The following CELSR1 variants were observed in gnomAD, a reference collection of about 807,000 sequenced individuals.
CELSR1 encodes adhesion G protein-coupled receptor C1.
CELSR1 carries 110 observed loss-of-function variants against 249.1 expected under a neutral mutation model. That is an observed-to-expected ratio of 0.44 (90% CI 0.38 to 0.52). CELSR1 has a LOEUF of 0.52. CELSR1 is among the 20% of genes least tolerant of loss of function. CELSR1 has a pLI of 0.00. For synonymous variants in CELSR1, 2,113 were observed against 1,900.0 expected (o/e 1.11, Z -2.92); for missense variants, 4,109 against 4,296.4 (o/e 0.96, Z 1.22).
At chr22:46,501,199 ATTTT>A (rs57293109) in intron 1 of CELSR1, among the ~76,000 whole-genome samples, 2 of 108,552 alleles carry the variant, frequency 1.8e-5, no homozygotes, top group East Asian at 5.1e-4. Context: ...TGCCCGGCTA[ATTTT>A]TTTTTTTTTT....
Position 46,534,896 on chromosome 22 carries a change from C to A in CELSR1, c.2275G>T (p.Val759Leu), listed in dbSNP as rs753531287. ...PLDYKQEQQY[V>L]LAVTASDGTR... The stretch of plus-strand genomic sequence containing the variant: ...CCGTCGGATGCTGTCACCGCCAGCA[C>A]GTACTGCTGCTCCTGCTTGTAGTCC... Residue 759 changes from valine to leucine, a missense_variant, in exon 1 of 35, where the codon GTG (valine) becomes TTG (leucine). Transcript: ENST00000674500. This position sits in a 1 kb window ranked among gnomAD's most constrained non-coding sequence, Gnocchi z 9.7. The A allele has an allele frequency of 1.2e-6, 2 of 1,612,592 alleles. No homozygotes were observed. Among genetic ancestry groups the A allele is most frequent in the South Asian group, 1.1e-5 (1 of 91,074 alleles).
rs575336449 is a variant in CELSR1 at position 46,430,380 on chromosome 22, C to T, written c.4611+3013G>A. 1.3e-5 allele frequency among the ~76,000 whole-genome samples: 2 copies of T among 152,208 alleles called. No homozygotes were observed. The highest frequency in any genetic ancestry group is 6.5e-5 in the Admixed American group (1 of 15,300). On this transcript the variant is annotated intron_variant, in intron 5 of 34. Transcript: ENST00000674500. This position sits in a 1 kb window ranked among gnomAD's most constrained non-coding sequence, Gnocchi z 4.6. Reference sequence around the variant, plus strand: ...GTGCTGGGGCAAGGACACAGCTGGGCGGGGCAGGGGGGATGACCGTCTGCA... The same window carrying T: ...GTGCTGGGGCAAGGACACAGCTGGGTGGGGCAGGGGGGATGACCGTCTGCA...
Position 46,406,417 on chromosome 22 carries a change from G to A in CELSR1, c.5226+2579C>T, listed in dbSNP as rs912422302. Reference sequence around the variant, plus strand: ...GAAAATGCTCCCGAGCTGTGATGGGGAGGAACAGGAGGCTCCCTGTCCAGG... The same window carrying A: ...GAAAATGCTCCCGAGCTGTGATGGGAAGGAACAGGAGGCTCCCTGTCCAGG... On this transcript the variant is annotated intron_variant, in intron 9 of 34. Coordinates refer to ENST00000674500, the MANE Select transcript of CELSR1 (RefSeq NM_001378328.1). This position sits in a 1 kb window ranked among gnomAD's most constrained non-coding sequence, Gnocchi z 5.4. Among the ~76,000 whole-genome samples the A allele has an allele frequency of 2.0e-5, 3 of 152,212 alleles. No individual in the cohort carries two copies. Among genetic ancestry groups the A allele is most frequent in the African/African-American group, 7.2e-5 (3 of 41,466 alleles).
intron 1 of CELSR1, among the ~76,000 whole-genome samples, chr22:46,528,770 T>C (rs1602245041): frequency 6.8e-6 from 1 of 146,998 alleles, no homozygotes; most frequent in South Asian, 2.1e-4. Context: ...CTACTAAAAA[T>C]ACAAAAAAAT....
At chr22:46,392,591 G>C (rs1177893878) in intron 14 of CELSR1, among the ~76,000 whole-genome samples, 1 of 152,148 alleles carries the variant, frequency 6.6e-6, no homozygotes, top group East Asian at 1.9e-4. Flanking sequence ...GGGTCTCACT[G>C]TGTTGCCCAG....
chr22:46,428,757 T>C lies in CELSR1; in HGVS notation c.4611+4636A>G, dbSNP rs1041009865. On this transcript the variant is annotated intron_variant, in intron 5 of 34. Transcript: ENST00000674500. The surrounding 1 kb of genome is among the most constrained non-coding windows in gnomAD (Gnocchi z 5.7). The stretch of plus-strand genomic sequence containing the variant: ...TTCATGCGGGATCTCCCAGCAGCTC[T>C]GGGCCTCCTGGCGCTCCACCTCACT... 2.0e-5 allele frequency among the ~76,000 whole-genome samples: 3 copies of C among 152,184 alleles called. No individual in the cohort carries two copies. The highest frequency in any genetic ancestry group is 4.4e-5 in the Non-Finnish European group (3 of 68,026).
At chr22:46,475,287 C>G (rs2080196612) in intron 1 of CELSR1, among the ~76,000 whole-genome samples, 1 of 152,114 alleles carries the variant, frequency 6.6e-6, no homozygotes, top group East Asian at 1.9e-4. Context: ...ATAAGGAGGC[C>G]TTAAAAACGA....
intron 2 of CELSR1, among the ~76,000 whole-genome samples, chr22:46,456,513 G>T (rs949564977): frequency 6.6e-6 from 1 of 151,734 alleles, no homozygotes; most frequent in African/African-American, 2.4e-5. Context: ...AATACAAAAA[G>T]TTAGCCAGGC....
At chr22:46,403,580 T>C (rs1035443019) in intron 9 of CELSR1, among the ~76,000 whole-genome samples, 1 of 150,670 alleles carries the variant, frequency 6.6e-6, no homozygotes, top group Non-Finnish European at 1.5e-5. Context: ...ACAATAACGA[T>C]ATAGAATATT....
chr22:46,372,408 C>A (rs2078863893), intron 25 of CELSR1, among the ~76,000 whole-genome samples: 1 of 126,814 alleles, frequency 7.9e-6, no homozygotes, highest in Non-Finnish European at 1.8e-5. Flanking sequence ...CACTCACTCA[C>A]CCCTCCACCC....
intron 1 of CELSR1, chr22:46,481,427 T>TCTGC: frequency 1.3e-6 from 2 of 1,534,206 alleles, no homozygotes; most frequent in Admixed American, 3.4e-5. Flanking sequence ...CCTTCCAGCT[T>TCTGC]CTGCTTCAAC....
chr22:46,489,180 G>T, intron 1 of CELSR1, among the ~76,000 whole-genome samples: 1 of 151,860 alleles, frequency 6.6e-6, no homozygotes, highest in East Asian at 2.0e-4. Context: ...CCCTTCCTCT[G>T]CTTGTAATGA....
rs944709785 is a variant in CELSR1 at position 46,472,615 on chromosome 22, C to T, written c.3545-8270G>A. Among the ~76,000 whole-genome samples, 2 of 152,194 alleles carry T rather than the reference C, an allele frequency of 1.3e-5. No individual in the cohort carries two copies. Among genetic ancestry groups the T allele is most frequent in the African/African-American group, 4.8e-5 (2 of 41,460 alleles). ...CAGCAAAACCAGCAAGGCATGGGGACGGGTGGCATCAGCTCCCGGGGCCGT... is the reference window on the plus strand; with the variant it reads ...CAGCAAAACCAGCAAGGCATGGGGATGGGTGGCATCAGCTCCCGGGGCCGT... On this transcript the variant is annotated intron_variant, in intron 1 of 34. Transcript: ENST00000674500. This position sits in a 1 kb window ranked among gnomAD's most constrained non-coding sequence, Gnocchi z 7.0.
In CELSR1 at chr22:46,451,383, C is replaced by A. The variant is rs557241474; in HGVS notation, c.4184-11972G>T. 2.0e-5 allele frequency among the ~76,000 whole-genome samples: 3 copies of A among 152,350 alleles called. No homozygotes were observed. The South Asian group carries it at 6.2e-4, about 32-fold the overall frequency. On this transcript the variant is annotated intron_variant, in intron 2 of 34. Transcript: ENST00000674500. ...TCTCTGAAACAAATTCCCAGATGAT[C>A]TCCAGACACACCCATTTAAAAAAAT...
Position 46,469,830 on chromosome 22 carries a change from T to A in CELSR1, c.3545-5485A>T, listed in dbSNP as rs548220187. Among the ~76,000 whole-genome samples the A allele has an allele frequency of 6.7e-5, 10 of 148,690 alleles. No individual in the cohort carries two copies. The South Asian group carries it at 2.0e-3, about 29-fold the overall frequency. On this transcript the variant is annotated intron_variant, in intron 1 of 34. Transcript: ENST00000674500. ...CACCCGGCCTAGGGCTCTGATTTTC[T>A]TATTTGTTTATATTTGTTTCTTTCC...
In CELSR1 at chr22:46,536,867, T is replaced by C. The variant is rs2147832851; in HGVS notation, c.304A>G (p.Ser102Gly). ...TGCGTGCGCGCCCGCAGGCGGCGGC[T>C]CAGCGCCGTCGGGGCACTGCGGGCC... is the stretch of plus-strand genomic sequence containing the variant. ...LVARSAPTAL[S>G]RRLRARTHLP... is the part of the protein sequence containing the mutation. The change falls in exon 1 of 35, where the codon AGC becomes GGC. Residue 102 changes from serine to glycine, a missense_variant. Physicochemically the swap from Ser to Gly is moderately conservative, Grantham distance 56. Transcript: ENST00000674500. 8.1e-7 allele frequency: 1 copy of C among 1,233,828 alleles called. No individual in the cohort carries two copies. The highest frequency in any genetic ancestry group is 1.0e-6 in the Non-Finnish European group (1 of 983,280). 76.4% of individuals were successfully genotyped at this position (1,233,828 alleles called of 1,614,324 possible).
Position 46,377,266 on chromosome 22 carries a change from G to A in CELSR1, c.7384-5C>T. ...CAGAGGCAGGACCTCCCCGTTCTAT[G>A]GGCAGGAGGGTTAAAGGCAGGAGAG... On this transcript the variant is annotated splice_region_variant and splice_polypyrimidine_tract_variant and intron_variant, in intron 23 of 34. Coordinates refer to ENST00000674500, the MANE Select transcript of CELSR1 (RefSeq NM_001378328.1). The A allele has an allele frequency of 1.9e-6, 3 of 1,613,632 alleles. No homozygotes were observed. The highest frequency in any genetic ancestry group is 2.5e-6 in the Non-Finnish European group (3 of 1,179,906).
intron 1 of CELSR1, among the ~76,000 whole-genome samples, chr22:46,470,528 T>C (rs2080145381): frequency 6.6e-6 from 1 of 152,066 alleles, no homozygotes; most frequent in Admixed American, 6.6e-5. Context: ...GAAAATAGCA[T>C]TAAATATTAA....
chr22:46,450,478 A>G lies in CELSR1; in HGVS notation c.4184-11067T>C, dbSNP rs140039870. The stretch of plus-strand genomic sequence containing the variant: ...CTCCAGAGGTGAGCACAGTCCACAC[A>G]TGACCTTCCCTACAAGGCAGGCCGC... On this transcript the variant is annotated intron_variant, in intron 2 of 34. Coordinates refer to ENST00000674500, the MANE Select transcript of CELSR1 (RefSeq NM_001378328.1). 5.4e-3 allele frequency among the ~76,000 whole-genome samples: 824 copies of G among 152,362 alleles called. 12 individuals are homozygous for G. The highest frequency in any genetic ancestry group is 0.019 in the African/African-American group (788 of 41,580).
Sources: allele counts gnomAD v4.1 joint callset (sites outside exome capture counted in the v4.1 genomes callset), GRCh38; gene constraint gnomAD v4.1.1; non-coding constraint Gnocchi (gnomAD v3.1); transcripts MANE v1.5; gene names NCBI Gene and HGNC (gene_info 2026-07-23, HGNC 2026-07-21).